Variants in WWOX observed in about 807,000 individuals in gnomAD.
The protein encoded by WWOX is WW domain-containing oxidoreductase.
In WWOX, 69 loss-of-function variants were observed where a neutral mutation model predicts 46.2. The observed-to-expected ratio is 1.49, with a 90% CI of 1.23 to 1.82. WWOX has a LOEUF of 1.82. WWOX is among the 40% of genes most tolerant of loss of function. The pLI is 0.00. For missense variants in WWOX, 919 were observed against 542.6 expected, an observed-to-expected ratio of 1.69 and a Z score of -6.89; for synonymous variants, 359 against 202.6, an observed-to-expected ratio of 1.77 and a Z score of -6.56.
At chr16:78,634,237 C>A (rs1176094335) in intron 8 of WWOX, among the ~76,000 whole-genome samples, 1 of 152,134 alleles carries the variant, frequency 6.6e-6, no homozygotes, top group African/African-American at 2.4e-5. Context: ...GAGCTAAGAG[C>A]AGGCAGTTAG....
chr16:78,745,043 G>T (rs919729559), intron 8 of WWOX, among the ~76,000 whole-genome samples: 10 of 152,068 alleles, frequency 6.6e-5, no homozygotes, highest in Non-Finnish European at 1.3e-4. Flanking sequence ...GGCCAGTGAC[G>T]CCTGCCACTG....
chr16:78,257,441 C>T (rs2038162475), intron 5 of WWOX, among the ~76,000 whole-genome samples: 1 of 152,206 alleles, frequency 6.6e-6, no homozygotes, highest in African/African-American at 2.4e-5. Context: ...GTGCAGGCTC[C>T]TCCGAGCCAG....
chr16:78,851,365 G>A (rs930221130), intron 8 of WWOX, among the ~76,000 whole-genome samples: 1 of 152,142 alleles, frequency 6.6e-6, no homozygotes, highest in East Asian at 1.9e-4. Context: ...CTTATAGGTG[G>A]AACTACAGAA....
At chr16:78,712,546 C>G (rs901972183) in intron 8 of WWOX, among the ~76,000 whole-genome samples, 1 of 151,290 alleles carries the variant, frequency 6.6e-6, no homozygotes, top group African/African-American at 2.4e-5. Context: ...ACTTAAGACA[C>G]ATAGTACCAG....
At chr16:78,248,390 C>T (rs7197099) in intron 5 of WWOX, among the ~76,000 whole-genome samples, 8,432 of 152,250 alleles carry the variant, frequency 0.055, 431 homozygotes, top group East Asian at 0.24. Context: ...GAAATCTGTC[C>T]GCATGATCTA....
At chr16:79,054,591 G>C (rs868559852) in intron 8 of WWOX, among the ~76,000 whole-genome samples, 9 of 152,200 alleles carry the variant, frequency 5.9e-5, no homozygotes, top group Non-Finnish European at 1.0e-4. Context: ...GGCGGTCAAG[G>C]TGGGAAGATC....
intron 8 of WWOX, among the ~76,000 whole-genome samples, chr16:78,790,167 T>C (rs2050557886): frequency 6.6e-6 from 1 of 152,146 alleles, no homozygotes; most frequent in Non-Finnish European, 1.5e-5. Flanking sequence ...GACAGGGTCT[T>C]GCTCTGTTGC....
intron 4 of WWOX, among the ~76,000 whole-genome samples, chr16:78,151,417 A>G (rs150492218): frequency 1.3e-5 from 2 of 152,076 alleles, no homozygotes; most frequent in African/African-American, 2.4e-5. Context: ...TTTCTCTTAC[A>G]TGAAATGACA....
intron 5 of WWOX, among the ~76,000 whole-genome samples, chr16:78,385,914 T>G (rs1384461279): frequency 6.6e-6 from 1 of 152,124 alleles, no homozygotes; most frequent in African/African-American, 2.4e-5. Context: ...CGCACCCAGA[T>G]TTAAAAGTTG....
rs963360739 is a variant in WWOX at position 78,629,848 on chromosome 16, T to A, written c.1056+197096T>A. On this transcript the variant is annotated intron_variant, in intron 8 of 8. Coordinates refer to ENST00000566780, the MANE Select transcript of WWOX (RefSeq NM_016373.4). ...GAAATAGAAAAAACTAATTTAGAAA[T>A]AGAAAATTAATTGAGTTTTAGTTTT... is the stretch of plus-strand genomic sequence containing the variant. Among the ~76,000 whole-genome samples the A allele has an allele frequency of 5.9e-5, 9 of 152,266 alleles. No individual in the cohort carries two copies. The South Asian group carries it at 1.9e-3, about 32-fold the overall frequency.
intron 8 of WWOX, among the ~76,000 whole-genome samples, chr16:78,608,389 C>T (rs554418620): frequency 3.3e-5 from 5 of 152,300 alleles, no homozygotes; most frequent in African/African-American, 1.2e-4. Flanking sequence ...TTGAATCCCC[C>T]AAATGCCTGT....
intron 5 of WWOX, among the ~76,000 whole-genome samples, chr16:78,376,955 T>C (rs1293912714): frequency 6.6e-6 from 1 of 152,240 alleles, no homozygotes; most frequent in South Asian, 2.1e-4. Flanking sequence ...TGTCTTTTTA[T>C]TGAATTTAAC....
chr16:78,157,720 C>T (rs1031131291), intron 4 of WWOX, among the ~76,000 whole-genome samples: 9 of 152,182 alleles, frequency 5.9e-5, no homozygotes, highest in East Asian at 1.9e-4. Flanking sequence ...TTCAGACAAA[C>T]GGAATGGTGG....
intron 8 of WWOX, among the ~76,000 whole-genome samples, chr16:78,938,124 C>T (rs1453251326): frequency 6.6e-6 from 1 of 152,194 alleles, no homozygotes; most frequent in Non-Finnish European, 1.5e-5. Flanking sequence ...TTCATCTCCT[C>T]ACATCTGGCG....
chr16:78,857,559 C>G lies in WWOX; in HGVS notation c.1057-354049C>G, dbSNP rs79600164. On this transcript the variant is annotated intron_variant, in intron 8 of 8. Coordinates refer to ENST00000566780, the MANE Select transcript of WWOX (RefSeq NM_016373.4). Reference sequence around the variant, plus strand: ...GAAATCAGTCACCCATCTACCCAAGCTGACTGTCGGTCAAGAGTCTAGTGA... The same window carrying G: ...GAAATCAGTCACCCATCTACCCAAGGTGACTGTCGGTCAAGAGTCTAGTGA... 2.0e-3 allele frequency among the ~76,000 whole-genome samples: 302 copies of G among 152,256 alleles called. 2 individuals carry two copies. The highest frequency in any genetic ancestry group is 6.8e-3 in the African/African-American group (284 of 41,552).
At chr16:78,795,882 T>C (rs1455918802) in intron 8 of WWOX, among the ~76,000 whole-genome samples, 1 of 152,116 alleles carries the variant, frequency 6.6e-6, no homozygotes, top group Non-Finnish European at 1.5e-5. Context: ...TTGGCTTTTA[T>C]TACTGTCAAG....
At chr16:78,505,179 C>T (rs114678975) in intron 8 of WWOX, among the ~76,000 whole-genome samples, 82 of 152,328 alleles carry the variant, frequency 5.4e-4, no homozygotes, top group Admixed American at 1.4e-3. Flanking sequence ...ACAGAACTTA[C>T]TTTTGAAAGC....
intron 8 of WWOX, among the ~76,000 whole-genome samples, chr16:78,652,293 C>T (rs2046982671): frequency 6.6e-6 from 1 of 151,304 alleles, no homozygotes; most frequent in African/African-American, 2.4e-5. Flanking sequence ...CCTGTAATCC[C>T]AGCTACTCGG....
intron 8 of WWOX, among the ~76,000 whole-genome samples, chr16:79,168,393 C>A (rs906306232): frequency 2.0e-5 from 3 of 152,176 alleles, no homozygotes; most frequent in Non-Finnish European, 2.9e-5. Context: ...CTAGGCTTTT[C>A]ATTAAGTTCA....
Sources: gnomAD v4.1 joint callset for allele counts (sites outside exome capture counted in the v4.1 genomes callset) on GRCh38, gnomAD v4.1.1 for gene constraint, MANE v1.5 for transcripts, NCBI Gene and HGNC (gene_info 2026-07-23, HGNC 2026-07-21) for gene names.